FLT1: variants seen among roughly 807,000 people sequenced by gnomAD.
FLT1 encodes the protein fms related receptor tyrosine kinase 1, also known as vascular endothelial growth factor receptor 1.
FLT1 carries 49 observed loss-of-function variants against 156.3 expected under a neutral mutation model. That is an observed-to-expected ratio of 0.31 (90% CI 0.25 to 0.40). The LOEUF is 0.40. FLT1 is among the 10% of genes least tolerant of loss of function. The pLI is 1.00. For missense variants in FLT1, 1,322 were observed against 1,637.2 expected, an observed-to-expected ratio of 0.81 and a Z score of 3.32; for synonymous variants, 594 against 583.8, an observed-to-expected ratio of 1.02 and a Z score of -0.25.
chr13:28,378,662 A>C (rs1873948365), intron 14 of FLT1, among the ~76,000 whole-genome samples: 1 of 152,134 alleles, frequency 6.6e-6, no homozygotes, highest in Non-Finnish European at 1.5e-5. Flanking sequence ...CATTCAGCAA[A>C]CCTCACAGAA....
chr13:28,326,325 T>A (rs1566287415), intron 20 of FLT1, among the ~76,000 whole-genome samples: 2 of 152,176 alleles, frequency 1.3e-5, no homozygotes, highest in Non-Finnish European at 2.9e-5. Flanking sequence ...CCAGGAAGTC[T>A]GATTCCAGAG....
intron 1 of FLT1, among the ~76,000 whole-genome samples, chr13:28,486,057 G>C (rs539571250): frequency 1.3e-5 from 2 of 152,222 alleles, no homozygotes; most frequent in Non-Finnish European, 2.9e-5. Context: ...GATCCAAATG[G>C]CTATTGTGCC....
chr13:28,445,879 T>C (rs1359629221), intron 3 of FLT1, among the ~76,000 whole-genome samples: 3 of 152,182 alleles, frequency 2.0e-5, no homozygotes. Context: ...AACCAATATC[T>C]ATTACGAATA....
intron 15 of FLT1, among the ~76,000 whole-genome samples, chr13:28,355,779 C>G (rs566740118): frequency 1.9e-4 from 29 of 152,324 alleles, no homozygotes; most frequent in Admixed American, 8.5e-4. Flanking sequence ...CTGATCTGGC[C>G]TGGAGCAGTG....
chr13:28,473,689 G>A (rs1391625317), intron 1 of FLT1, among the ~76,000 whole-genome samples: 17 of 144,778 alleles, frequency 1.2e-4, no homozygotes, highest in South Asian at 2.3e-4. Context: ...GAGAGAGAGA[G>A]AGAGAAAGAA....
intron 10 of FLT1, among the ~76,000 whole-genome samples, chr13:28,410,722 C>T (rs913420653): frequency 6.6e-6 from 1 of 152,236 alleles, no homozygotes; most frequent in African/African-American, 2.4e-5. Flanking sequence ...AGAAGCAATA[C>T]ACATTTTGCC....
intron 3 of FLT1, among the ~76,000 whole-genome samples, chr13:28,462,046 G>A (rs1193511684): frequency 2.6e-5 from 4 of 152,128 alleles, no homozygotes; most frequent in Admixed American, 6.5e-5. Flanking sequence ...TTTGCTTTTC[G>A]ATTGTAATTT....
rs1871016460 is a variant in FLT1 at position 28,311,805 on chromosome 13, C to T, written c.3493-73G>A. On this transcript the variant is annotated intron_variant, in intron 26 of 29. Transcript: ENST00000282397. The stretch of plus-strand genomic sequence containing the variant: ...CAATTTCTATGAACCATTATGTCAA[C>T]TTTGACTATGTCATTTGCACAATCT... 3.8e-5 allele frequency: 58 copies of T among 1,511,622 alleles called. 2 individuals carry two copies. In the South Asian group the frequency reaches 6.2e-4, roughly 16 times the overall value. The allele number at this position is 1,511,622 out of a possible 1,614,324, so 93.6% of individuals were successfully genotyped here.
intron 12 of FLT1, among the ~76,000 whole-genome samples, chr13:28,391,805 G>T (rs1329127458): frequency 1.3e-5 from 2 of 152,156 alleles, no homozygotes; most frequent in Admixed American, 6.5e-5. Context: ...TCACTTTGGG[G>T]CTGAGAATTT....
At chr13:28,307,341 C>T (rs973018067) in intron 28 of FLT1, among the ~76,000 whole-genome samples, 2 of 152,164 alleles carry the variant, frequency 1.3e-5, no homozygotes, top group Admixed American at 6.5e-5. Context: ...GTGGATCCCA[C>T]GCTTTGTTCC....
At chr13:28,428,122 G>A (rs1877457072) in intron 8 of FLT1, among the ~76,000 whole-genome samples, 1 of 152,128 alleles carries the variant, frequency 6.6e-6, no homozygotes, top group African/African-American at 2.4e-5. Context: ...ATATTTATTG[G>A]CAAGGAAGAA....
rs551165162 is a variant in FLT1, at chr13:28,439,806, T to C, written c.389-1461A>G. Among the ~76,000 whole-genome samples, 1 of 152,322 alleles carries C rather than the reference T, an allele frequency of 6.6e-6. No individual in the cohort carries two copies. The highest frequency in any genetic ancestry group is 1.9e-4 in the East Asian group (1 of 5,176). On this transcript the variant is annotated intron_variant, in intron 3 of 29. Transcript: ENST00000282397. The surrounding 1 kb of genome is among the most constrained non-coding windows in gnomAD (Gnocchi z 4.1). ...TGTAGGAAGAGGCGAGGGAGGGTTC[T>C]TCTGCAGGTTTCAGAAGGGGCATGG... is the stretch of plus-strand genomic sequence containing the variant.
chr13:28,490,730 T>C (rs1881427211), intron 1 of FLT1, among the ~76,000 whole-genome samples: 1 of 152,196 alleles, frequency 6.6e-6, no homozygotes, highest in Non-Finnish European at 1.5e-5. Flanking sequence ...TGGTCTATAC[T>C]TTTAACTACT....
intron 1 of FLT1, among the ~76,000 whole-genome samples, chr13:28,494,431 G>A (rs1881639610): frequency 6.6e-6 from 1 of 152,322 alleles, no homozygotes; most frequent in African/African-American, 2.4e-5. Context: ...GGCAGGTCCC[G>A]GTGCGTGCTG....
At chr13:28,449,882 A>G (rs1471888386) in intron 3 of FLT1, among the ~76,000 whole-genome samples, 1 of 152,214 alleles carries the variant, frequency 6.6e-6, no homozygotes, top group Non-Finnish European at 1.5e-5. Context: ...AGCAGAGCAA[A>G]GGAGAAGAAT....
intron 14 of FLT1, among the ~76,000 whole-genome samples, chr13:28,372,665 C>T (rs1321986968): frequency 1.4e-5 from 2 of 144,334 alleles, no homozygotes; most frequent in Non-Finnish European, 3.0e-5. Context: ...GGGCAGATCA[C>T]GAGGTCAAGA....
intron 3 of FLT1, among the ~76,000 whole-genome samples, chr13:28,444,430 G>T (rs1878499305): frequency 6.6e-6 from 1 of 151,846 alleles, no homozygotes; most frequent in African/African-American, 2.4e-5. Context: ...GACACAGCAA[G>T]ACTCCACTTA....
intron 1 of FLT1, among the ~76,000 whole-genome samples, chr13:28,482,646 G>A (rs1030933146): frequency 6.6e-5 from 10 of 152,186 alleles, no homozygotes; most frequent in South Asian, 2.1e-4. Flanking sequence ...CATGCCCATC[G>A]GTTTGGACTA....
intron 3 of FLT1, among the ~76,000 whole-genome samples, chr13:28,447,530 T>C (rs978889036): frequency 1.3e-5 from 2 of 151,938 alleles, no homozygotes; most frequent in African/African-American, 2.4e-5. Context: ...ATCTTCATGA[T>C]CTCAAATATG....
Sources: gnomAD v4.1 joint callset for allele counts (sites outside exome capture counted in the v4.1 genomes callset) on GRCh38, gnomAD v4.1.1 for gene constraint, Gnocchi (gnomAD v3.1) non-coding constraint, MANE v1.5 for transcripts, NCBI Gene and HGNC (gene_info 2026-07-23, HGNC 2026-07-21) for gene names.